The following DNAH8 variants were observed in gnomAD, a reference collection of about 807,000 sequenced individuals.
DNAH8 encodes axonemal beta dynein heavy chain 8.
DNAH8 carries 382 observed loss-of-function variants against 562.1 expected under a neutral mutation model. The observed-to-expected ratio is 0.68, with a 90% CI of 0.63 to 0.74. DNAH8 has a LOEUF of 0.74. DNAH8 is among the 30% of genes least tolerant of loss of function. The pLI is 0.00. For synonymous variants in DNAH8, 1,881 were observed against 1,919.4 expected (o/e 0.98, Z 0.52); for missense variants, 5,203 against 5,620.4 (o/e 0.93, Z 2.37).
chr6:39,005,511 G>A lies in DNAH8; in HGVS notation c.13215-3303G>A, dbSNP rs112735219. 2.0e-3 allele frequency among the ~76,000 whole-genome samples: 304 copies of A among 152,282 alleles called. 1 individual carries two copies. Among genetic ancestry groups the A allele is most frequent in the African/African-American group, 6.9e-3 (286 of 41,550 alleles). The stretch of plus-strand genomic sequence containing the variant: ...TCCTTGCCAATATTTGTTATTATGT[G>A]TCTTGTGATCATAACCATTCTTTGT... On this transcript the variant is annotated intron_variant, in intron 88 of 92. Transcript: ENST00000327475.
At chr6:38,854,025 C>CGTGTGTGTGTGT (rs371568318) in intron 41 of DNAH8, among the ~76,000 whole-genome samples, 5 of 150,118 alleles carry the variant, frequency 3.3e-5, no homozygotes, top group African/African-American at 9.8e-5. Flanking sequence ...TGTAAGTGCA[C>CGTGTGTGTGTGT]GTGTGTGTGT....
chr6:39,017,238 C>T (rs1766625488), intron 91 of DNAH8, among the ~76,000 whole-genome samples: 1 of 151,898 alleles, frequency 6.6e-6, no homozygotes, highest in South Asian at 2.1e-4. Context: ...TCTCGGGTGT[C>T]GCAAAGGATG....
intron 91 of DNAH8, among the ~76,000 whole-genome samples, chr6:39,018,838 A>T (rs1312371075): frequency 1.3e-5 from 2 of 152,140 alleles, no homozygotes; most frequent in African/African-American, 4.8e-5. Flanking sequence ...ATGGGCCAAA[A>T]ATGGCCAGAT....
At chr6:38,748,167 T>A (rs1765117105) in intron 8 of DNAH8, among the ~76,000 whole-genome samples, 1 of 152,196 alleles carries the variant, frequency 6.6e-6, no homozygotes, top group African/African-American at 2.4e-5. Context: ...AGAAAATTTA[T>A]GAATTTGTGG....
At chr6:38,960,861 T>G (rs1428814853) in intron 82 of DNAH8, among the ~76,000 whole-genome samples, 2 of 151,918 alleles carry the variant, frequency 1.3e-5, no homozygotes, top group Non-Finnish European at 2.9e-5. Flanking sequence ...ATCAGTATAT[T>G]GTAGAGGTAT....
rs1201996378 is a variant in DNAH8, at chr6:38,909,763, G to C, written c.9740+19G>C. ...TCCAAAGGTAAGTGATATTACATAAGCACCATCGCTATGGAACCACAGCAT... is the reference window on the plus strand; with the variant it reads ...TCCAAAGGTAAGTGATATTACATAACCACCATCGCTATGGAACCACAGCAT... On this transcript the variant is annotated intron_variant, in intron 65 of 92. Transcript: ENST00000327475. 6.3e-7 allele frequency: 1 copy of C among 1,590,012 alleles called. No homozygotes were observed. Among genetic ancestry groups the C allele is most frequent in the Admixed American group, 1.7e-5 (1 of 59,892 alleles).
intron 9 of DNAH8, among the ~76,000 whole-genome samples, chr6:38,755,764 T>C (rs1327334089): frequency 6.6e-6 from 1 of 152,186 alleles, no homozygotes; most frequent in Non-Finnish European, 1.5e-5. Context: ...TAACATCCTG[T>C]ATTACCTTAG....
intron 62 of DNAH8, among the ~76,000 whole-genome samples, chr6:38,905,433 G>T (rs1002079974): frequency 1.3e-5 from 2 of 152,076 alleles, no homozygotes; most frequent in Admixed American, 1.3e-4. Context: ...ATACCTTATT[G>T]CACAATGCAT....
intron 3 of DNAH8, among the ~76,000 whole-genome samples, chr6:38,729,121 T>G (rs1562567477): frequency 6.6e-6 from 1 of 152,132 alleles, no homozygotes; most frequent in East Asian, 1.9e-4. Flanking sequence ...GAGAATCTCT[T>G]GAACCTGGGA....
intron 35 of DNAH8, among the ~76,000 whole-genome samples, chr6:38,844,932 G>C (rs1356774646): frequency 1.3e-5 from 2 of 152,128 alleles, no homozygotes; most frequent in African/African-American, 4.8e-5. Context: ...ACAGTAATTT[G>C]TGTTAAGATC....
At chr6:38,878,540 T>A (rs1014660149) in intron 53 of DNAH8, among the ~76,000 whole-genome samples, 7 of 151,814 alleles carry the variant, frequency 4.6e-5, no homozygotes, top group African/African-American at 7.3e-5. Context: ...AAAAGATGGA[T>A]CTGAAAAGAT....
intron 66 of DNAH8, 28 bp downstream of exon 66, chr6:38,911,614 G>C: frequency 6.9e-7 from 1 of 1,440,866 alleles, no homozygotes; most frequent in Non-Finnish European, 9.8e-7. Context: ...GAATGGGATG[G>C]AATAGAAATA....
intron 17 of DNAH8, among the ~76,000 whole-genome samples, chr6:38,783,439 A>G (rs1768840705): frequency 6.6e-6 from 1 of 152,190 alleles, no homozygotes; most frequent in Non-Finnish European, 1.5e-5. Context: ...AAGTGTTCAT[A>G]TTCAGTTGTA....
At position 38,791,526 on chromosome 6, in the gene DNAH8, T is replaced by C. The variant is rs748614783; in HGVS notation, c.2782-29T>C. 3.1e-6 allele frequency: 5 copies of C among 1,592,886 alleles called. No individual in the cohort carries two copies. In the South Asian group the frequency reaches 5.8e-5, roughly 19 times the overall value. Reference sequence around the variant, plus strand: ...CCTAGCTCTAAAGGAAAGAAGAGTTTTTTTTTCTTACATTTTTCTTCCTTG... The same window carrying C: ...CCTAGCTCTAAAGGAAAGAAGAGTTCTTTTTTCTTACATTTTTCTTCCTTG... On this transcript the variant is annotated intron_variant, in intron 20 of 92. Coordinates refer to ENST00000327475, the MANE Select transcript of DNAH8 (RefSeq NM_001206927.2).
At chr6:38,785,157 ACAGT>A (rs965927627) in intron 17 of DNAH8, among the ~76,000 whole-genome samples, 1 of 152,232 alleles carries the variant, frequency 6.6e-6, no homozygotes, top group African/African-American at 2.4e-5. Flanking sequence ...AGTAAAACAA[ACAGT>A]CAGTAGAATT....
Position 38,780,024 on chromosome 6 carries a change from A to G in DNAH8, c.2098A>G (p.Ile700Val). The G allele has an allele frequency of 6.2e-7, 1 of 1,614,090 alleles. No individual in the cohort carries two copies. The highest frequency in any genetic ancestry group is 8.5e-7 in the Non-Finnish European group (1 of 1,179,984). Reference sequence around the variant, plus strand: ...AGAAATAAACCACACAATAGAGCGTATTCTTCAGTACTATGTGGCTGAACT... The same window carrying G: ...AGAAATAAACCACACAATAGAGCGTGTTCTTCAGTACTATGTGGCTGAACT... The part of the protein sequence containing the change: ...GLEINHTIER[I>V]LQYYVAELDA... The change falls in exon 15 of 93, where the codon ATT becomes GTT. Residue 700 changes from isoleucine (I) to valine (V), a missense_variant. Transcript: ENST00000327475.
chr6:38,980,141 C>T (rs1034968708), intron 85 of DNAH8, among the ~76,000 whole-genome samples: 11 of 152,144 alleles, frequency 7.2e-5, no homozygotes, highest in African/African-American at 2.7e-4. Flanking sequence ...GCATTGACCT[C>T]TTACAGAGAA....
At chr6:38,751,958 C>T (rs1765490671) in intron 9 of DNAH8, among the ~76,000 whole-genome samples, 1 of 152,136 alleles carries the variant, frequency 6.6e-6, no homozygotes, top group African/African-American at 2.4e-5. Context: ...GTGCTACATG[C>T]TTTAAATATG....
At chr6:38,744,113 T>C (rs981617139) in intron 8 of DNAH8, 3 of 152,212 alleles carry the variant, frequency 2.0e-5, no homozygotes, top group Non-Finnish European at 4.4e-5. Context: ...ACATCTGTAG[T>C]GTGAGCTACT....
Sources: allele counts gnomAD v4.1 joint callset (sites outside exome capture counted in the v4.1 genomes callset), GRCh38; gene constraint gnomAD v4.1.1; transcripts MANE v1.5; gene names NCBI Gene and HGNC (gene_info 2026-07-23, HGNC 2026-07-21).